TRAF3: variants seen among roughly 807,000 people sequenced by gnomAD.
TRAF3 encodes the protein TNF receptor-associated factor 3.
A neutral mutation model predicts 62.3 loss-of-function variants in TRAF3; 13 were observed. The observed-to-expected ratio is 0.21, with a 90% CI of 0.14 to 0.33. TRAF3 has a LOEUF of 0.33. TRAF3 is among the 10% of genes least tolerant of loss of function. The pLI is 1.00. For synonymous variants in TRAF3, 269 were observed against 283.4 expected, an observed-to-expected ratio of 0.95 and a Z score of 0.51; for missense variants, 440 against 741.8, an observed-to-expected ratio of 0.59 and a Z score of 4.73.
rs545113300 is a variant in TRAF3, at chr14:102,903,564, C to G, written c.1135+135C>G. 7.9e-7 allele frequency: 1 copy of G among 1,272,520 alleles called. No individual in the cohort carries two copies. The highest frequency in any genetic ancestry group is 2.0e-5 in the Admixed American group (1 of 50,766). 78.8% of individuals were successfully genotyped at this position (1,272,520 alleles called of 1,614,324 possible). A position where few individuals can be genotyped will look rare whatever the true frequency, so the allele number is the denominator to read the frequency against. On this transcript the variant is annotated intron_variant, in intron 11 of 11. Transcript: ENST00000392745. This position sits in a 1 kb window ranked among gnomAD's most constrained non-coding sequence, Gnocchi z 6.4. ...GTTTTTTCTAATTATGGGTAACACG[C>G]AGAGGTGTGATGACTTTCCTACTGA... is the stretch of plus-strand genomic sequence containing the variant.
At chr14:102,856,064 C>T (rs960683177) in intron 2 of TRAF3, among the ~76,000 whole-genome samples, 1 of 145,444 alleles carries the variant, frequency 6.9e-6, no homozygotes, top group South Asian at 2.2e-4. Flanking sequence ...TGCACTCCAT[C>T]CAGCCTGGGC....
chr14:102,819,638 T>C (rs1899771508), intron 1 of TRAF3, among the ~76,000 whole-genome samples: 1 of 152,254 alleles, frequency 6.6e-6, no homozygotes, highest in African/African-American at 2.4e-5. Flanking sequence ...TGTTGTCATC[T>C]AACAGTCATG....
At chr14:102,820,562 A>G in intron 1 of TRAF3, among the ~76,000 whole-genome samples, 1 of 118,272 alleles carries the variant, frequency 8.5e-6, no homozygotes, top group Non-Finnish European at 1.7e-5. Context: ...TGCTTTCTGA[A>G]ATGGGACCAG....
intron 8 of TRAF3, among the ~76,000 whole-genome samples, chr14:102,890,204 C>G (rs1889633769): frequency 6.6e-6 from 1 of 152,218 alleles, no homozygotes; most frequent in Admixed American, 6.5e-5. Flanking sequence ...TGTGAGAAAT[C>G]TGCATCTGGT....
intron 1 of TRAF3, among the ~76,000 whole-genome samples, chr14:102,815,003 A>G (rs11160704): frequency 0.87 from 132,416 of 152,268 alleles, 57,819 homozygotes; most frequent in East Asian, 0.95. Context: ...TGGCACAATC[A>G]TGGCTCACTG....
intron 10 of TRAF3, among the ~76,000 whole-genome samples, chr14:102,902,700 G>A (rs1447870359): frequency 6.6e-6 from 1 of 152,242 alleles, no homozygotes; most frequent in Admixed American, 6.5e-5. Flanking sequence ...CACAGGTGCT[G>A]TGGCCTGGGA....
Position 102,891,308 on chromosome 14 carries a change from C to T in TRAF3, c.727-17C>T, listed in dbSNP as rs778468210. On this transcript the variant is annotated splice_polypyrimidine_tract_variant and intron_variant, in intron 8 of 11. Coordinates refer to ENST00000392745, the MANE Select transcript of TRAF3 (RefSeq NM_145725.3). Reference sequence around the variant, plus strand: ...GCAGCGAGGTTCGCTGAATGCCTCACATGTTTGCTCTCGCAGGGGACAAAC... The same window carrying T: ...GCAGCGAGGTTCGCTGAATGCCTCATATGTTTGCTCTCGCAGGGGACAAAC... 2.0e-5 allele frequency: 33 copies of T among 1,610,956 alleles called. No individual in the cohort carries two copies. Among genetic ancestry groups the T allele is most frequent in the Non-Finnish European group, 2.8e-5 (33 of 1,179,170 alleles).
At chr14:102,861,973 G>GT (rs1387998477) in intron 2 of TRAF3, among the ~76,000 whole-genome samples, 1 of 152,126 alleles carries the variant, frequency 6.6e-6, no homozygotes, top group African/African-American at 2.4e-5. Flanking sequence ...TGATTTGCAA[G>GT]TATTTCCTCC....
intron 2 of TRAF3, among the ~76,000 whole-genome samples, chr14:102,844,421 A>T (rs10133709): frequency 0.42 from 64,438 of 152,090 alleles, 18,798 homozygotes; most frequent in African/African-American, 0.83. Flanking sequence ...GAGAATCTCT[A>T]TAAGTCCCAT....
At chr14:102,846,638 TAAAAAAAAAA>T (rs752922791) in intron 2 of TRAF3, among the ~76,000 whole-genome samples, 8 of 71,752 alleles carry the variant, frequency 1.1e-4, no homozygotes, top group African/African-American at 5.0e-4. Context: ...TCCAGCTTCT[TAAAAAAAAAA>T]AAAAAAAAAA....
intron 2 of TRAF3, among the ~76,000 whole-genome samples, chr14:102,844,593 C>T (rs1886581836): frequency 6.6e-6 from 1 of 152,134 alleles, no homozygotes; most frequent in Admixed American, 6.5e-5. Context: ...GTGGACTGAG[C>T]TGGGAATTTA....
chr14:102,866,892 C>CACACACACACACACAG (rs1491199272), intron 2 of TRAF3, among the ~76,000 whole-genome samples: 3 of 146,486 alleles, frequency 2.0e-5, no homozygotes, highest in African/African-American at 7.9e-5. Flanking sequence ...CACACACACA[C>CACACACACACACACAG]AAAACAATGA....
intron 5 of TRAF3, 123 bp downstream of exon 5, chr14:102,875,851 C>T: frequency 2.4e-6 from 2 of 841,070 alleles, no homozygotes; most frequent in Admixed American, 3.7e-5. Flanking sequence ...TTTTTCAAAA[C>T]ACAGCCAAAT....
chr14:102,804,900 C>G (rs1373066556), intron 1 of TRAF3, among the ~76,000 whole-genome samples: 1 of 152,114 alleles, frequency 6.6e-6, no homozygotes, highest in Non-Finnish European at 1.5e-5. Context: ...TTCTAAAAAT[C>G]TTTCTGTGCA....
At chr14:102,804,848 C>T (rs1898672413) in intron 1 of TRAF3, among the ~76,000 whole-genome samples, 1 of 152,010 alleles carries the variant, frequency 6.6e-6, no homozygotes, top group Admixed American at 6.6e-5. Context: ...ATTTTGAGTT[C>T]TGCTGTATGA....
At chr14:102,857,925 G>C (rs1444124904) in intron 2 of TRAF3, among the ~76,000 whole-genome samples, 1 of 152,144 alleles carries the variant, frequency 6.6e-6, no homozygotes, top group African/African-American at 2.4e-5. Context: ...AAACAAATAT[G>C]CTCCAAATTT....
chr14:102,791,147 G>T (rs1018757956), intron 1 of TRAF3, among the ~76,000 whole-genome samples: 1 of 151,658 alleles, frequency 6.6e-6, no homozygotes, highest in Non-Finnish European at 1.5e-5. Context: ...AGCCTCCCGA[G>T]TAGCTGGGAC....
At position 102,908,970 on chromosome 14, in the gene TRAF3, C is replaced by T. The variant is rs1296092437; in HGVS notation, c.*3186C>T. The T allele has an allele frequency of 6.6e-6, 1 of 152,456 alleles. No individual in the cohort carries two copies. The highest frequency in any genetic ancestry group is 1.5e-5 in the Non-Finnish European group (1 of 68,236). The allele number at this position is 152,456 out of a possible 1,614,324, so 9.4% of individuals were successfully genotyped here. A position where few individuals can be genotyped will look rare whatever the true frequency, so the allele number is the denominator to read the frequency against. On this transcript the variant is annotated 3_prime_UTR_variant, in exon 12 of 12. Coordinates refer to ENST00000392745, the MANE Select transcript of TRAF3 (RefSeq NM_145725.3). ...GAAGCCTGACCCTCTGGTTCTAGGG[C>T]TTGTCCCGCGGAGCCTGCAGAGCTA...
chr14:102,785,982 A>G (rs1315624449), intron 1 of TRAF3, among the ~76,000 whole-genome samples: 3 of 152,272 alleles, frequency 2.0e-5, no homozygotes, highest in Non-Finnish European at 4.4e-5. Context: ...ATTTCTGTGC[A>G]TCTGGGATAG....
Sources: allele counts gnomAD v4.1 joint callset (sites outside exome capture counted in the v4.1 genomes callset), GRCh38; gene constraint gnomAD v4.1.1; non-coding constraint Gnocchi (gnomAD v3.1); transcripts MANE v1.5; gene names NCBI Gene and HGNC (gene_info 2026-07-23, HGNC 2026-07-21).